The following FBXL18 variants were observed in gnomAD, a reference collection of about 807,000 sequenced individuals.
The protein encoded by FBXL18 is F-box and leucine rich repeat protein 18.
A neutral mutation model predicts 46.0 loss-of-function variants in FBXL18; 36 were observed. The ratio of observed to expected loss-of-function variants is 0.78; its 90% CI spans 0.60 to 1.03. The LOEUF is 1.03. Among genes scored for constraint, FBXL18 ranks in the 50% least tolerant of loss-of-function variants. FBXL18 has a pLI of 0.00. For synonymous variants in FBXL18, 557 were observed against 465.3 expected (o/e 1.20, Z -2.54); for missense variants, 977 against 1,004.1 (o/e 0.97, Z 0.36).
chr7:5,493,711 C>T (rs966917858), intron 3 of FBXL18, among the ~76,000 whole-genome samples: 9 of 150,582 alleles, frequency 6.0e-5, no homozygotes, highest in African/African-American at 2.2e-4. Flanking sequence ...ACAGGGGTCT[C>T]ACTATGTTGC....
rs899819745 is a variant in FBXL18 at position 5,478,757 on chromosome 7, TACACGCAGGCACATGTACACACAGGC to T, written c.*2992_*3017del. 2.6e-5 allele frequency: 4 copies of T among 151,310 alleles called. No individual in the cohort carries two copies. The highest frequency in any genetic ancestry group is 2.0e-4 in the Admixed American group (3 of 15,212). The allele number at this position is 151,310 out of a possible 1,614,324, so 9.4% of individuals were successfully genotyped here. On this transcript the variant is annotated 3_prime_UTR_variant, in exon 5 of 5. Transcript: ENST00000382368. ...CACACGTGCACACACAGGGCACAGG[TACACGCAGGCACATGTACACACAGGC>T]ACACGTGCACGCAGGCACACGCATG... is the stretch of plus-strand genomic sequence containing the variant.
chr7:5,490,291 A>C (rs4077245), intron 4 of FBXL18: 574,215 of 1,222,258 alleles, frequency 0.47, 136,363 homozygotes, highest in East Asian at 0.68. Context: ...AGGAGCCCTG[A>C]TCACTCCAGC....
At chr7:5,472,025 C>T (rs952450811), downstream of FBXL18, among the ~76,000 whole-genome samples, 14 of 152,132 alleles carry the variant, frequency 9.2e-5, no homozygotes, top group African/African-American at 3.4e-4. Context: ...GAGGTCGAGG[C>T]TGCAGTGAAG....
At chr7:5,463,655 T>C (rs1373228745) in intron 4 of FBXL18, among the ~76,000 whole-genome samples, 1 of 147,810 alleles carries the variant, frequency 6.8e-6, no homozygotes, top group East Asian at 2.0e-4. Flanking sequence ...TGGATGGTGG[T>C]GATGATTGCA....
chr7:5,500,973 G>C lies in FBXL18; in HGVS notation c.1296C>G (p.Ala432=), dbSNP rs771958263. The part of the protein sequence containing the change: ...VCSVADSAPR[A]DRAPAQPAMH... ...TGGCCGGCTGGGCGGGCGCGCGGTC[G>C]GCGCGCGGCGCGGAGTCAGCGACAG... Residue 432 remains alanine (A), a synonymous_variant, in exon 3 of 5, where the codon GCC becomes GCG. Transcript: ENST00000382368. The C allele has an allele frequency of 6.5e-7, 1 of 1,536,836 alleles. No individual in the cohort carries two copies. The highest frequency in any genetic ancestry group is 2.2e-5 in the Admixed American group (1 of 46,226).
chr7:5,484,723 C>A (rs1263495801), intron 4 of FBXL18, among the ~76,000 whole-genome samples: 2 of 151,010 alleles, frequency 1.3e-5, no homozygotes, highest in African/African-American at 4.9e-5. Flanking sequence ...AATGCAACCT[C>A]CGCCTCCCGA....
chr7:5,497,587 G>A (rs547631564), intron 3 of FBXL18, among the ~76,000 whole-genome samples: 1 of 152,346 alleles, frequency 6.6e-6, no homozygotes, highest in East Asian at 1.9e-4. Context: ...GGACTCCAGG[G>A]TGTGAGCCTC....
At chr7:5,489,493 G>A (rs544682148) in intron 4 of FBXL18, 22 of 347,266 alleles carry the variant, frequency 6.3e-5, no homozygotes, top group Non-Finnish European at 7.9e-5. Flanking sequence ...AAATTAGGCC[G>A]GGCGCGGTGG....
intron 4 of FBXL18, among the ~76,000 whole-genome samples, chr7:5,469,643 G>A (rs575676085): frequency 4.0e-4 from 61 of 152,082 alleles, no homozygotes; most frequent in African/African-American, 1.3e-3. Flanking sequence ...GCAAGGGTGT[G>A]CATATAGGAA....
downstream of FBXL18, among the ~76,000 whole-genome samples, chr7:5,473,950 C>G (rs1194146098): frequency 6.6e-6 from 1 of 151,996 alleles, no homozygotes; most frequent in Non-Finnish European, 1.5e-5. Context: ...GTGCGCCACA[C>G]CATGCCCGGC....
chr7:5,474,044 G>A (rs1258055861), downstream of FBXL18, among the ~76,000 whole-genome samples: 1 of 152,068 alleles, frequency 6.6e-6, no homozygotes, highest in Non-Finnish European at 1.5e-5. Context: ...TGATCCACCA[G>A]CCTTGGCCTC....
At chr7:5,507,480 G>A (rs1201449962) in intron 1 of FBXL18, among the ~76,000 whole-genome samples, 1 of 152,152 alleles carries the variant, frequency 6.6e-6, no homozygotes, top group Non-Finnish European at 1.5e-5. Context: ...AAGGACCCAT[G>A]AGGCTCATGA....
intron 4 of FBXL18, among the ~76,000 whole-genome samples, chr7:5,469,927 G>A (rs767688269): frequency 2.0e-4 from 31 of 152,094 alleles, no homozygotes; most frequent in African/African-American, 6.3e-4. Flanking sequence ...GTGTGAATGC[G>A]GAGTGTGCGA....
intron 4 of FBXL18, among the ~76,000 whole-genome samples, chr7:5,466,784 C>T (rs887219647): frequency 6.6e-6 from 1 of 152,104 alleles, no homozygotes; most frequent in Non-Finnish European, 1.5e-5. Context: ...GGCAGGAGCC[C>T]GGGACTCCTG....
rs1783632933 is a variant in FBXL18, at chr7:5,481,063, C to G, written c.*712G>C. ...TGGGTGGGAGGGGGAGGAGGCCTCT[C>G]TCGTTAGAAACGGGCCCTGCTGGTT... On this transcript the variant is annotated 3_prime_UTR_variant, in exon 5 of 5. Transcript: ENST00000382368. The G allele has an allele frequency of 6.6e-6, 1 of 152,120 alleles. No homozygotes were observed. Among genetic ancestry groups the G allele is most frequent in the African/African-American group, 2.4e-5 (1 of 41,410 alleles). The allele number at this position is 152,120 out of a possible 1,614,324, so 9.4% of individuals were successfully genotyped here.
At chr7:5,487,207 C>T (rs1345125374) in intron 4 of FBXL18, among the ~76,000 whole-genome samples, 1 of 152,260 alleles carries the variant, frequency 6.6e-6, no homozygotes, top group African/African-American at 2.4e-5. Context: ...ACCTGCGGCT[C>T]GGGCCACACT....
chr7:5,475,631 G>A (rs1159308647), downstream of FBXL18, among the ~76,000 whole-genome samples: 2 of 152,122 alleles, frequency 1.3e-5, no homozygotes, highest in African/African-American at 4.8e-5. This position sits in a 1 kb window ranked among gnomAD's most constrained non-coding sequence, Gnocchi z 4.2. Context: ...CCCGCTTTGG[G>A]TCTTGTGTCT....
At chr7:5,485,888 TACTAAAAAAAAC>T (rs1562687788) in intron 4 of FBXL18, among the ~76,000 whole-genome samples, 1 of 150,796 alleles carries the variant, frequency 6.6e-6, no homozygotes, top group African/African-American at 2.4e-5. Context: ...ACCCCATCTC[TACTAAAAAAAAC>T]ACAAAAAAAT....
At chr7:5,487,191 G>C (rs1190971602) in intron 4 of FBXL18, among the ~76,000 whole-genome samples, 1 of 152,276 alleles carries the variant, frequency 6.6e-6, no homozygotes, top group Admixed American at 6.5e-5. Flanking sequence ...CTGCAGGTCA[G>C]CTGGGACCTG....
Sources: allele counts gnomAD v4.1 joint callset (sites outside exome capture counted in the v4.1 genomes callset), GRCh38; gene constraint gnomAD v4.1.1; non-coding constraint Gnocchi (gnomAD v3.1); transcripts MANE v1.5; gene names NCBI Gene and HGNC (gene_info 2026-07-23, HGNC 2026-07-21).